Variants in ZDHHC8 observed in about 807,000 individuals in gnomAD.
The protein encoded by ZDHHC8 is palmitoyltransferase ZDHHC8.
ZDHHC8 carries 24 observed loss-of-function variants against 61.2 expected under a neutral mutation model. The observed-to-expected ratio is 0.39, with a 90% confidence interval of 0.28 to 0.55. ZDHHC8 has a LOEUF of 0.55. Among genes scored for constraint, ZDHHC8 ranks in the 20% least tolerant of loss-of-function variants. ZDHHC8 has a pLI of 0.60. For synonymous variants in ZDHHC8, 523 were observed against 492.5 expected (o/e 1.06, Z -0.82); for missense variants, 935 against 1,102.1 (o/e 0.85, Z 2.15).
chr22:20,139,196 G>A lies in ZDHHC8; in HGVS notation c.107G>A (p.Cys36Tyr). The change falls in exon 2 of 11, where the codon TGC becomes TAC. Residue 36 changes from cysteine (C) to tyrosine (Y), a missense_variant and splice_region_variant. Around this residue, in one of 3 missense-constraint regions of ZDHHC8, gnomAD observed 199 missense variants for 334.0 expected, o/e 0.60. Transcript: ENST00000334554. ...TCTGCCCCCACTGTCTACTGCAGGT[G>A]CCCGTGGTTGACACGAGCTGTGTCC... ...GSSTLFFVFT[C>Y]PWLTRAVSPA... The A allele has an allele frequency of 6.2e-7, 1 of 1,613,076 alleles. No individual in the cohort carries two copies. Among genetic ancestry groups the A allele is most frequent in the Non-Finnish European group, 8.5e-7 (1 of 1,179,560 alleles).
At chr22:20,138,115 G>C (rs1210870789) in intron 1 of ZDHHC8, among the ~76,000 whole-genome samples, 1 of 152,258 alleles carries the variant, frequency 6.6e-6, no homozygotes, top group Non-Finnish European at 1.5e-5. Context: ...CGTGGGTGCA[G>C]CAGCGTGGCC....
intron 1 of ZDHHC8, among the ~76,000 whole-genome samples, chr22:20,136,688 G>A (rs913026835): frequency 2.6e-5 from 4 of 152,250 alleles, no homozygotes; most frequent in South Asian, 2.1e-4. Flanking sequence ...GTGTGTGCAC[G>A]TGTGCATGTC....
In ZDHHC8 at chr22:20,142,774, C is replaced by G; in HGVS notation, c.1144C>G (p.Leu382Val). Residue 382 changes from leucine to valine, a missense_variant, in exon 10 of 11, where the codon CTG (leucine) becomes GTG (valine). Around this residue, in one of 3 missense-constraint regions of ZDHHC8, gnomAD observed 692 missense variants for 731.4 expected, o/e 0.95. Transcript: ENST00000334554. The part of the protein sequence containing the change: ...PGEQVPGPDS[L>V]TLGDDSIRSL... ...CCTACAGGTTCCAGGCCCTGATTCC[C>G]TGACCCTGGGGGACGACAGCATCCG... 6.2e-7 allele frequency: 1 copy of G among 1,612,644 alleles called. No individual in the cohort carries two copies. The highest frequency in any genetic ancestry group is 8.5e-7 in the Non-Finnish European group (1 of 1,179,958).
In ZDHHC8 at chr22:20,145,792, AG is replaced by A; in HGVS notation, c.*393del. ...TGGTCCCCTTACGGACAGGTCCCAG[AG>A]ATGGACAGAGGCACCCAGGGCCCCC... On this transcript the variant is annotated 3_prime_UTR_variant, in exon 11 of 11. Transcript: ENST00000334554. 1.0e-6 allele frequency: 1 copy of A among 990,556 alleles called. No homozygotes were observed. Among genetic ancestry groups the A allele is most frequent in the Non-Finnish European group, 1.2e-6 (1 of 833,542 alleles). 61.4% of individuals were successfully genotyped at this position (990,556 alleles called of 1,614,324 possible). A position where few individuals can be genotyped will look rare whatever the true frequency, so the allele number is the denominator to read the frequency against.
rs1568996938 is a variant in ZDHHC8, at chr22:20,145,810, A to G, written c.*410A>G. 5.1e-6 allele frequency: 5 copies of G among 988,794 alleles called. No individual in the cohort carries two copies. Among genetic ancestry groups the G allele is most frequent in the Non-Finnish European group, 6.0e-6 (5 of 832,272 alleles). The allele number at this position is 988,794 out of a possible 1,614,324, so 61.3% of individuals were successfully genotyped here. On this transcript the variant is annotated 3_prime_UTR_variant, in exon 11 of 11. Transcript: ENST00000334554. ...GTCCCAGAGATGGACAGAGGCACCC[A>G]GGGCCCCCACCGTCCTTCTGACACA...
chr22:20,138,405 G>C (rs549129285), intron 1 of ZDHHC8, among the ~76,000 whole-genome samples: 2 of 152,244 alleles, frequency 1.3e-5, no homozygotes, highest in Admixed American at 6.5e-5. Context: ...CCGAGGACCG[G>C]CAAGTCTCTT....
chr22:20,140,827 T>C (rs1436316150), intron 6 of ZDHHC8, 44 bp from the exon 7 acceptor site: 38 of 1,600,320 alleles, frequency 2.4e-5, no homozygotes, highest in Non-Finnish European at 3.1e-5. Flanking sequence ...CCTTGTGTGT[T>C]TGTGGCAGGT....
rs757280778 is a variant in ZDHHC8, at chr22:20,139,518, G to A, written c.267G>A (p.Pro89=). ...ACAAGGAGGACGACTTCCGGGCTCCGCTGTACAAGAACGTGGATGTGCGAG... is the reference window on the plus strand; with the variant it reads ...ACAAGGAGGACGACTTCCGGGCTCCACTGTACAAGAACGTGGATGTGCGAG... The part of the protein sequence containing the change: ...DEDKEDDFRA[P]LYKNVDVRGI... Residue 89 remains proline (P), a synonymous_variant, in exon 3 of 11, where the codon CCG becomes CCA. Coordinates refer to ENST00000334554, the MANE Select transcript of ZDHHC8 (RefSeq NM_013373.4). 12 of 1,613,484 alleles carry A rather than the reference G, an allele frequency of 7.4e-6. No individual in the cohort carries two copies. The highest frequency in any genetic ancestry group is 4.0e-5 in the African/African-American group (3 of 74,902).
intron 1 of ZDHHC8, among the ~76,000 whole-genome samples, chr22:20,137,908 C>T (rs942604163): frequency 1.3e-5 from 2 of 152,228 alleles, no homozygotes; most frequent in Non-Finnish European, 2.9e-5. Flanking sequence ...GCAGCTGTGT[C>T]CTCACCCTGG....
chr22:20,143,135 C>A lies in ZDHHC8; in HGVS notation c.1505C>A (p.Ala502Asp), dbSNP rs1416694420. 3.7e-6 allele frequency: 6 copies of A among 1,611,954 alleles called. No individual in the cohort carries two copies. The highest frequency in any genetic ancestry group is 5.1e-6 in the Non-Finnish European group (6 of 1,179,820). ...CCTGCCCACCCAGCAGTTGGCGTGG[C>A]CGGATACCACTCACCCTACCTGCAT... The part of the protein sequence containing the change: ...ACPAHPAVGV[A>D]GYHSPYLHPG... Residue 502 changes from alanine to aspartate, a missense_variant, in exon 10 of 11, where the codon GCC (alanine) becomes GAC (aspartate). Around this residue, in one of 3 missense-constraint regions of ZDHHC8, gnomAD observed 692 missense variants for 731.4 expected, o/e 0.95. Transcript: ENST00000334554.
intron 1 of ZDHHC8, among the ~76,000 whole-genome samples, chr22:20,135,390 A>T (rs905172130): frequency 2.6e-5 from 4 of 152,134 alleles, no homozygotes; most frequent in Non-Finnish European, 5.9e-5. Context: ...TTCACTCCAG[A>T]GCCACATTGC....
chr22:20,143,845 T>C (rs2050498522), intron 10 of ZDHHC8, 89 bp downstream of exon 10: 12 of 1,439,230 alleles, frequency 8.3e-6, no homozygotes, highest in Non-Finnish European at 1.1e-5. Flanking sequence ...CACTCATAGG[T>C]CATCCCAGGG....
chr22:20,140,588 C>T, intron 5 of ZDHHC8, 29 bp from the exon 6 acceptor site: 1 of 1,569,836 alleles, frequency 6.4e-7, no homozygotes, highest in Non-Finnish European at 8.6e-7. Flanking sequence ...CTTGGGAGGC[C>T]AGGCTGGCTG....
rs761567182 is a variant in ZDHHC8, at chr22:20,143,136, C to T, written c.1506C>T (p.Ala502=). 55 of 1,611,844 alleles carry T rather than the reference C, an allele frequency of 3.4e-5. No homozygotes were observed. The highest frequency in any genetic ancestry group is 3.1e-4 in the East Asian group (14 of 44,870). ...ACPAHPAVGV[A]GYHSPYLHPG... is the part of the protein sequence containing the mutation. ...CTGCCCACCCAGCAGTTGGCGTGGC[C>T]GGATACCACTCACCCTACCTGCATC... The change falls in exon 10 of 11, where the codon GCC becomes GCT. Residue 502 remains alanine, a synonymous_variant. Coordinates refer to ENST00000334554, the MANE Select transcript of ZDHHC8 (RefSeq NM_013373.4).
chr22:20,137,805 G>T (rs972182858), intron 1 of ZDHHC8, among the ~76,000 whole-genome samples: 1 of 152,224 alleles, frequency 6.6e-6, no homozygotes, highest in Admixed American at 6.5e-5. Context: ...CTGCCTGTGT[G>T]CCAGGCAGGG....
intron 2 of ZDHHC8, 63 bp from the exon 3 acceptor site, chr22:20,139,415 G>C: frequency 1.9e-6 from 3 of 1,605,242 alleles, no homozygotes; most frequent in Middle Eastern, 1.7e-4. Context: ...GCTGGACTTG[G>C]GGGAGGGATT....
chr22:20,141,106 G>T, intron 7 of ZDHHC8, 94 bp downstream of exon 7: 1 of 1,592,908 alleles, frequency 6.3e-7, no homozygotes, highest in South Asian at 1.1e-5. Context: ...GGATGGGGCA[G>T]ACAGAGCCGT....
At chr22:20,135,852 C>T (rs1018539222) in intron 1 of ZDHHC8, among the ~76,000 whole-genome samples, 1 of 152,256 alleles carries the variant, frequency 6.6e-6, no homozygotes, top group Non-Finnish European at 1.5e-5. Context: ...CGGTCCCGAG[C>T]GCCCCACGGG....
At chr22:20,142,015 G>A (rs175177) in intron 9 of ZDHHC8, among the ~76,000 whole-genome samples, 16,029 of 152,192 alleles carry the variant, frequency 0.11, 1,602 homozygotes, top group African/African-American at 0.26. Context: ...TGGGCAGTGC[G>A]GGGCGGTCTG....
Sources: allele counts gnomAD v4.1 joint callset (sites outside exome capture counted in the v4.1 genomes callset), GRCh38; gene constraint gnomAD v4.1.1; regional missense constraint gnomAD v4.1.1; transcripts MANE v1.5; gene names NCBI Gene and HGNC (gene_info 2026-07-23, HGNC 2026-07-21).